The following C2orf80 variants were observed in gnomAD, a reference collection of about 807,000 sequenced individuals.
C2orf80 encodes the protein chromosome 2 open reading frame 80, also known as uncharacterized protein C2orf80.
In C2orf80, 28 loss-of-function variants were observed where a neutral mutation model predicts 30.2. The ratio of observed to expected loss-of-function variants is 0.93; its 90% CI spans 0.69 to 1.27. The LOEUF is 1.27. Ranked by LOEUF, C2orf80 falls within the 50% of genes most tolerant of loss-of-function variation. The probability of loss-of-function intolerance (pLI) is 0.00; values close to 1 mark genes in which losing one functional copy is unlikely to be tolerated. For synonymous variants in C2orf80, 80 were observed against 76.4 expected (o/e 1.05, Z -0.24); for missense variants, 220 against 231.0 (o/e 0.95, Z 0.31).
intron 6 of C2orf80, among the ~76,000 whole-genome samples, chr2:208,177,606 G>T (rs187837580): frequency 5.9e-5 from 9 of 152,094 alleles, no homozygotes; most frequent in African/African-American, 1.9e-4. Context: ...TTAAAAAAAA[G>T]TCAGCCTCTG....
intron 8 of C2orf80, among the ~76,000 whole-genome samples, chr2:208,167,788 C>T (rs536735826): frequency 2.6e-5 from 4 of 151,648 alleles, no homozygotes; most frequent in African/African-American, 9.7e-5. Flanking sequence ...GTTGTTCAGG[C>T]TGGTCTTGAA....
At position 208,183,121 on chromosome 2, in the gene C2orf80, A is replaced by C. The variant is rs185041061; in HGVS notation, c.124-74T>G. ...CGAAGTACTCCCTGGACCCAATGAC[A>C]ATGGGACTGCTAAGCCTATTCTAGT... On this transcript the variant is annotated intron_variant, in intron 3 of 8. Transcript: ENST00000341287. The C allele has an allele frequency of 2.4e-4, 278 of 1,150,736 alleles. 1 individual carries two copies. The East Asian group carries it at 5.1e-3, about 21-fold the overall frequency. 71.3% of individuals were successfully genotyped at this position (1,150,736 alleles called of 1,614,324 possible).
intron 1 of C2orf80, 37 bp downstream of exon 1, chr2:208,189,916 C>T (rs542744539): frequency 1.4e-6 from 1 of 702,878 alleles, no homozygotes; most frequent in Admixed American, 2.0e-5. Context: ...CTATTAAGTG[C>T]CTGCTCTTAA....
intron 4 of C2orf80, among the ~76,000 whole-genome samples, chr2:208,181,742 T>C (rs1436368494): frequency 1.3e-5 from 2 of 151,998 alleles, no homozygotes; most frequent in Non-Finnish European, 2.9e-5. Flanking sequence ...CCACCTCCCC[T>C]GCGCTGCCAC....
At position 208,176,929 on chromosome 2, in the gene C2orf80, A is replaced by ATC. The variant is rs1453145217; in HGVS notation, c.366+3815_366+3816insGA. Reference sequence around the variant, plus strand: ...TCTGTGTATACATATCTGTATACATATGTATACATATCTGTATACATATCT... The same window carrying ATC: ...TCTGTGTATACATATCTGTATACATATCTGTATACATATCTGTATACATATCT... On this transcript the variant is annotated intron_variant, in intron 6 of 8. Transcript: ENST00000341287. 1.4e-3 allele frequency among the ~76,000 whole-genome samples: 93 copies of ATC among 66,436 alleles called. 16 individuals are homozygous for ATC. The highest frequency in any genetic ancestry group is 3.6e-3 in the African/African-American group (63 of 17,694). The allele number at this position is 66,436 out of a possible 152,430, so 43.6% of individuals were successfully genotyped here.
chr2:208,180,587 C>T (rs576315004), intron 6 of C2orf80, among the ~76,000 whole-genome samples, 158 bp downstream of exon 6: 100 of 152,238 alleles, frequency 6.6e-4, no homozygotes, highest in African/African-American at 2.4e-3. Context: ...ATTTCACACA[C>T]GTTATTCAAG....
At chr2:208,180,118 T>C (rs1478199532) in intron 6 of C2orf80, among the ~76,000 whole-genome samples, 3 of 152,112 alleles carry the variant, frequency 2.0e-5, no homozygotes, top group African/African-American at 7.2e-5. Flanking sequence ...CTACCAGATC[T>C]ACATTACAAA....
chr2:208,175,214 G>C (rs893732641), intron 6 of C2orf80, among the ~76,000 whole-genome samples: 2 of 456 alleles, frequency 4.4e-3, no homozygotes, highest in Admixed American at 0.038. Flanking sequence ...TGAACCCCGG[G>C]GGGGGGGGGG....
chr2:208,185,156 G>A, intron 2 of C2orf80, 124 bp from the exon 3 acceptor site: 2 of 617,520 alleles, frequency 3.2e-6, no homozygotes, highest in South Asian at 2.2e-5. Context: ...CAGATGCTCT[G>A]GTAGCTGAGT....
chr2:208,180,651 T>C, intron 6 of C2orf80, 94 bp downstream of exon 6: 1 of 970,492 alleles, frequency 1.0e-6, no homozygotes, highest in Non-Finnish European at 1.6e-6. Context: ...TGTTATTTCA[T>C]AATTGATGTC....
At position 208,172,031 on chromosome 2, in the gene C2orf80, G is replaced by A. The variant is rs10932245; in HGVS notation, c.411C>T (p.Ala137=). The A allele has an allele frequency of 2.2e-3, 3,487 of 1,613,960 alleles. 62 individuals carry two copies. The African/African-American group carries it at 0.042, about 19-fold the overall frequency. ...CTGCTGCTTTGGGTGCTGTTAACAT[G>A]GCAAAGGGGTGCAAGGAGAGGCAGA... ...SSLCLSLHPF[A]MLTAPKAAAY... is the part of the protein sequence containing the mutation. The change falls in exon 7 of 9, where the codon GCC becomes GCT. Residue 137 remains alanine (A), a synonymous_variant. Transcript: ENST00000341287.
At chr2:208,186,120 A>G (rs1470615004) in intron 2 of C2orf80, among the ~76,000 whole-genome samples, 1 of 152,218 alleles carries the variant, frequency 6.6e-6, no homozygotes, top group Non-Finnish European at 1.5e-5. Context: ...GAATTCACAT[A>G]TATGTGCATA....
rs1464159185 is a variant in C2orf80, at chr2:208,190,021, A to G, written c.-144T>C. 1.1e-5 allele frequency: 8 copies of G among 702,658 alleles called. No individual in the cohort carries two copies. In the East Asian group the frequency reaches 1.6e-4, roughly 14 times the overall value. 43.5% of individuals were successfully genotyped at this position (702,658 alleles called of 1,614,324 possible). ...TGGAGGCATGCTGAAGCATCCGCGC[A>G]TCTCAGACTGGTGCTCACAGACATC... On this transcript the variant is annotated 5_prime_UTR_variant, in exon 1 of 9. It removes an upstream start codon present in the reference 5' UTR. Coordinates refer to ENST00000341287, the MANE Select transcript of C2orf80 (RefSeq NM_001099334.3).
At chr2:208,186,853 T>C (rs1696732880) in intron 2 of C2orf80, 93 bp downstream of exon 2, 1 of 1,116,142 alleles carries the variant, frequency 9.0e-7, no homozygotes, top group Admixed American at 1.7e-5. Context: ...GATTCTTAGA[T>C]TTTTACCCAC....
rs1574357384 is a variant in C2orf80 at position 208,171,133 on chromosome 2, T to C, written c.455-70A>G. 7 of 975,386 alleles carry C rather than the reference T, an allele frequency of 7.2e-6. No homozygotes were observed. The East Asian group carries it at 1.7e-4, about 23-fold the overall frequency. The allele number at this position is 975,386 out of a possible 1,614,324, so 60.4% of individuals were successfully genotyped here. Reference sequence around the variant, plus strand: ...AAAAATGTGTCCATCCAAAGTTTCATTTAATTTCATTTCACTAATTAATTA... The same window carrying C: ...AAAAATGTGTCCATCCAAAGTTTCACTTAATTTCATTTCACTAATTAATTA... On this transcript the variant is annotated intron_variant, in intron 7 of 8. Coordinates refer to ENST00000341287, the MANE Select transcript of C2orf80 (RefSeq NM_001099334.3).
chr2:208,188,728 C>A (rs368156827), intron 1 of C2orf80, among the ~76,000 whole-genome samples: 54 of 152,342 alleles, frequency 3.5e-4, no homozygotes, highest in South Asian at 8.3e-4. Context: ...GGATTACAGG[C>A]GTGAGCCACC....
intron 8 of C2orf80, among the ~76,000 whole-genome samples, chr2:208,167,646 G>A (rs565796107): frequency 2.0e-5 from 3 of 152,108 alleles, no homozygotes; most frequent in Admixed American, 1.3e-4. Context: ...GTGCAATCTC[G>A]GCTTAGTACA....
chr2:208,183,580 G>A (rs1696627822), intron 3 of C2orf80, among the ~76,000 whole-genome samples: 1 of 152,204 alleles, frequency 6.6e-6, no homozygotes, highest in Admixed American at 6.5e-5. Context: ...GAATTTGGAG[G>A]GATGGGCCGT....
intron 3 of C2orf80, among the ~76,000 whole-genome samples, chr2:208,184,198 C>G (rs73065258): frequency 0.12 from 17,691 of 152,262 alleles, 1,476 homozygotes; most frequent in African/African-American, 0.23. Flanking sequence ...CCCCCGCCCC[C>G]CTTCACCTCC....
Sources: allele counts gnomAD v4.1 joint callset (sites outside exome capture counted in the v4.1 genomes callset), GRCh38; gene constraint gnomAD v4.1.1; transcripts MANE v1.5; gene names NCBI Gene and HGNC (gene_info 2026-07-23, HGNC 2026-07-21).